FHAD1: variants seen among roughly 807,000 people sequenced by gnomAD.
FHAD1 encodes forkhead associated phosphopeptide binding domain 1.
A neutral mutation model predicts 191.3 loss-of-function variants in FHAD1; 146 were observed. The ratio of observed to expected loss-of-function variants is 0.76; its 90% CI spans 0.67 to 0.88. FHAD1 has a LOEUF of 0.88. Ranked by LOEUF, FHAD1 falls within the 40% of genes least tolerant of loss-of-function variation. The probability of loss-of-function intolerance (pLI) is 0.00; values close to 1 mark genes in which losing one functional copy is unlikely to be tolerated. For missense variants in FHAD1, 1,635 were observed against 1,785.8 expected (o/e 0.92, Z 1.52); for synonymous variants, 616 against 672.3 (o/e 0.92, Z 1.29).
At chr1:15,338,403 T>G (rs1685139390) in intron 14 of FHAD1, among the ~76,000 whole-genome samples, 1 of 152,158 alleles carries the variant, frequency 6.6e-6, no homozygotes, top group Admixed American at 6.6e-5. Flanking sequence ...CAGTCTCTGC[T>G]TCCATCACAT....
In FHAD1 at chr1:15,380,684, T is replaced by C; in HGVS notation, c.3706-17T>C. 1 of 1,548,616 alleles carries C rather than the reference T, an allele frequency of 6.5e-7. No individual in the cohort carries two copies. Among genetic ancestry groups the C allele is most frequent in the East Asian group, 2.4e-5 (1 of 40,908 alleles). Reference sequence around the variant, plus strand: ...ATGGAATGTCAAGAGAGGCCTTTCATTTCTTTCTGATTTCAGCCTCAGAAT... The same window carrying C: ...ATGGAATGTCAAGAGAGGCCTTTCACTTCTTTCTGATTTCAGCCTCAGAAT... On this transcript the variant is annotated splice_polypyrimidine_tract_variant and intron_variant, in intron 28 of 33. Coordinates refer to ENST00000688493, the MANE Select transcript of FHAD1 (RefSeq NM_001391957.1).
chr1:15,298,485 G>T (rs1449495655), intron 5 of FHAD1, among the ~76,000 whole-genome samples: 3 of 152,162 alleles, frequency 2.0e-5, no homozygotes, highest in African/African-American at 7.2e-5. Flanking sequence ...CACCACTAAA[G>T]GACACTTGGA....
At chr1:15,369,063 T>A (rs535729246) in intron 25 of FHAD1, among the ~76,000 whole-genome samples, 1 of 152,126 alleles carries the variant, frequency 6.6e-6, no homozygotes, top group Non-Finnish European at 1.5e-5. Context: ...GGGATTGTTA[T>A]GAGAGATAGA....
At chr1:15,350,764 A>T (rs916608963) in intron 19 of FHAD1, among the ~76,000 whole-genome samples, 6 of 152,116 alleles carry the variant, frequency 3.9e-5, no homozygotes, top group Non-Finnish European at 8.8e-5. Context: ...TGCCCTGGTG[A>T]GGTCAGAGTC....
intron 1 of FHAD1, among the ~76,000 whole-genome samples, chr1:15,248,530 A>T (rs1343505111): frequency 2.0e-5 from 3 of 151,898 alleles, no homozygotes; most frequent in Non-Finnish European, 4.4e-5. Context: ...CCAGTCTTTT[A>T]AAAGGGGCTG....
At chr1:15,256,730 GA>G (rs1489470020) in intron 2 of FHAD1, among the ~76,000 whole-genome samples, 5 of 150,558 alleles carry the variant, frequency 3.3e-5, no homozygotes, top group African/African-American at 1.2e-4. Context: ...ACACCGAGGA[GA>G]TTTCAGGATT....
chr1:15,286,836 C>T (rs573719441), intron 3 of FHAD1, among the ~76,000 whole-genome samples: 3 of 152,320 alleles, frequency 2.0e-5, no homozygotes, highest in African/African-American at 7.2e-5. Flanking sequence ...CCATTAGCAC[C>T]TGTGCAGTTA....
chr1:15,302,478 C>A (rs1433072207), intron 6 of FHAD1, among the ~76,000 whole-genome samples: 1 of 152,144 alleles, frequency 6.6e-6, no homozygotes, highest in South Asian at 2.1e-4. Context: ...GTAATCCCAG[C>A]GCTTCGGGAG....
At chr1:15,358,333 T>C in intron 21 of FHAD1, 50 bp downstream of exon 21, 1 of 1,491,272 alleles carries the variant, frequency 6.7e-7, no homozygotes, top group Admixed American at 2.7e-5. Flanking sequence ...CAATGGAAGA[T>C]TACAGTGCCA....
At position 15,382,070 on chromosome 1, in the gene FHAD1, A is replaced by G; in HGVS notation, c.4065A>G (p.Ala1355=). Reference sequence around the variant, plus strand: ...TTGAGATGTACCAGTCGCAGGTGGCAAAGCTGGAGGATGATATCTACAAAG... The same window carrying G: ...TTGAGATGTACCAGTCGCAGGTGGCGAAGCTGGAGGATGATATCTACAAAG... ...VSIEMYQSQV[A]KLEDDIYKEA... Residue 1355 remains alanine (A), a synonymous_variant, in exon 31 of 34, where the codon GCA becomes GCG. Coordinates refer to ENST00000688493, the MANE Select transcript of FHAD1 (RefSeq NM_001391957.1). 2.6e-6 allele frequency: 4 copies of G among 1,552,184 alleles called. No homozygotes were observed. The highest frequency in any genetic ancestry group is 3.5e-6 in the Non-Finnish European group (4 of 1,147,096).
At position 15,311,944 on chromosome 1, in the gene FHAD1, C is replaced by T. The variant is rs1355667048; in HGVS notation, c.1040-1113C>T. Among the ~76,000 whole-genome samples, 7 of 152,188 alleles carry T rather than the reference C, an allele frequency of 4.6e-5. No individual in the cohort carries two copies. The highest frequency in any genetic ancestry group is 1.7e-4 in the African/African-American group (7 of 41,446). ...TGTCATCTAAAGCCCGACTAGGGCT[C>T]GAGGATCCCCTTCTGGAATGACTCG... On this transcript the variant is annotated intron_variant, in intron 7 of 33. Coordinates refer to ENST00000688493, the MANE Select transcript of FHAD1 (RefSeq NM_001391957.1). The surrounding 1 kb of genome is among the most constrained non-coding windows in gnomAD (Gnocchi z 4.1).
intron 20 of FHAD1, among the ~76,000 whole-genome samples, chr1:15,353,705 AAAAAAAAAAAAAAAAAAAAAAG>A (rs942473554): frequency 1.9e-4 from 8 of 43,012 alleles, no homozygotes; most frequent in African/African-American, 7.4e-4. Flanking sequence ...ACTCCATCTC[AAAAAAAAAAAAAAAAAAAAAAG>A]AAAAGAAAAA....
In FHAD1 at chr1:15,327,127, C is replaced by T. The variant is rs1190085384; in HGVS notation, c.1542C>T (p.Pro514=). The part of the protein sequence containing the change: ...YGRAKPFRDK[P]VTDQQLIEKI... ...GGGCGAAGCCGTTCCGGGACAAGCC[C>T]GTCACCGACCAACAGGTTAGTCTGC... The change falls in exon 12 of 34, where the codon CCC becomes CCT. Residue 514 remains proline, a synonymous_variant. Transcript: ENST00000688493. This position sits in a 1 kb window ranked among gnomAD's most constrained non-coding sequence, Gnocchi z 5.1. 30 of 1,551,042 alleles carry T rather than the reference C, an allele frequency of 1.9e-5. No homozygotes were observed. Among genetic ancestry groups the T allele is most frequent in the East Asian group, 2.4e-5 (1 of 40,900 alleles).
In FHAD1 at chr1:15,324,578, C is replaced by T. The variant is rs1242164296; in HGVS notation, c.1473+19C>T. The T allele has an allele frequency of 1.3e-6, 2 of 1,506,766 alleles. No homozygotes were observed. Among genetic ancestry groups the T allele is most frequent in the Non-Finnish European group, 1.8e-6 (2 of 1,106,470 alleles). The allele number at this position is 1,506,766 out of a possible 1,614,324, so 93.3% of individuals were successfully genotyped here. ...AGGTCAGGTAGGCATGTTCCAGAGCCCCCCTCATTGGCCCACGCTCTCCAA... is the reference window on the plus strand; with the variant it reads ...AGGTCAGGTAGGCATGTTCCAGAGCTCCCCTCATTGGCCCACGCTCTCCAA... On this transcript the variant is annotated intron_variant, in intron 11 of 33. Transcript: ENST00000688493.
At chr1:15,258,702 C>T (rs1277172785) in intron 2 of FHAD1, among the ~76,000 whole-genome samples, 1 of 152,014 alleles carries the variant, frequency 6.6e-6, no homozygotes, top group African/African-American at 2.4e-5. Flanking sequence ...TCTCCTGCCT[C>T]AGCCTCCTGA....
intron 6 of FHAD1, among the ~76,000 whole-genome samples, chr1:15,305,075 G>A (rs1297371828): frequency 1.3e-5 from 2 of 152,150 alleles, no homozygotes; most frequent in Non-Finnish European, 2.9e-5. Context: ...AGTGAGCCTA[G>A]GCAAGGCTTA....
At chr1:15,353,028 C>T (rs1006973726) in intron 20 of FHAD1, 44 bp downstream of exon 20, 54 of 1,396,780 alleles carry the variant, frequency 3.9e-5, no homozygotes, top group Middle Eastern at 2.0e-4. Context: ...CCCAGCACAG[C>T]GAAGGGCAGT....
rs1054656 is a variant in FHAD1, at chr1:15,329,788, G to A, written c.1906+247G>A. Reference sequence around the variant, plus strand: ...ACAGAGGCAAAAGGAAAATTAAATCGAAATTATGCAAAGTCTAATTACGCT... The same window carrying A: ...ACAGAGGCAAAAGGAAAATTAAATCAAAATTATGCAAAGTCTAATTACGCT... On this transcript the variant is annotated intron_variant, in intron 14 of 33. Coordinates refer to ENST00000688493, the MANE Select transcript of FHAD1 (RefSeq NM_001391957.1). This position sits in a 1 kb window ranked among gnomAD's most constrained non-coding sequence, Gnocchi z 5.0. 3.5e-3 allele frequency: 1,749 copies of A among 493,664 alleles called. 36 individuals are homozygous for A. In the East Asian group the frequency reaches 0.043, roughly 12 times the overall value. The allele number at this position is 493,664 out of a possible 1,614,324, so 30.6% of individuals were successfully genotyped here. A position where few individuals can be genotyped will look rare whatever the true frequency, so the allele number is the denominator to read the frequency against.
At position 15,388,108 on chromosome 1, in the gene FHAD1, G is replaced by A. The variant is rs780093960; in HGVS notation, c.4246G>A (p.Ala1416Thr). 6.2e-6 allele frequency: 8 copies of A among 1,289,748 alleles called. No individual in the cohort carries two copies. In the African/African-American group the frequency reaches 1.2e-4, roughly 20 times the overall value. The allele number at this position is 1,289,748 out of a possible 1,614,324, so 79.9% of individuals were successfully genotyped here. A position where few individuals can be genotyped will look rare whatever the true frequency, so the allele number is the denominator to read the frequency against. The change falls in exon 32 of 34, where the codon GCC becomes ACC. Residue 1416 changes from alanine (A) to threonine (T), a missense_variant. By Grantham distance (58) the Ala-to-Thr change is moderately conservative (BLOSUM62 0). Transcript: ENST00000688493. ...NAKESTPCNC[A>T]FKEKDRQRRV... is the part of the protein sequence containing the mutation. ...AAAAGAATCGACACCTTGCAACTGT[G>A]CCTTCAAAGAGAAAGACAGGCAGGT...
Sources: gnomAD v4.1 joint callset for allele counts (sites outside exome capture counted in the v4.1 genomes callset) on GRCh38, gnomAD v4.1.1 for gene constraint, Gnocchi (gnomAD v3.1) non-coding constraint, MANE v1.5 for transcripts, NCBI Gene and HGNC (gene_info 2026-07-23, HGNC 2026-07-21) for gene names.